Variants in PXDNL observed in about 807,000 individuals in gnomAD.
PXDNL encodes the protein peroxidasin like, also known as probable oxidoreductase PXDNL.
A neutral mutation model predicts 150.8 loss-of-function variants in PXDNL; 145 were observed. The observed-to-expected ratio is 0.96, with a 90% confidence interval of 0.84 to 1.10. The LOEUF is 1.10. Among genes scored for constraint, PXDNL ranks in the 50% least tolerant of loss-of-function variants. The probability of loss-of-function intolerance (pLI) is 0.00; values close to 1 mark genes in which losing one functional copy is unlikely to be tolerated. For synonymous variants in PXDNL, 757 were observed against 725.7 expected (o/e 1.04, Z -0.69); for missense variants, 2,087 against 1,873.9 (o/e 1.11, Z -2.10).
chr8:51,599,515 G>T (rs964855055), intron 2 of PXDNL, among the ~76,000 whole-genome samples: 9 of 150,880 alleles, frequency 6.0e-5, no homozygotes, highest in African/African-American at 2.2e-4. Context: ...CCATGTAAGG[G>T]TGAGGTTTTG....
chr8:51,632,627 A>C (rs968880309), intron 2 of PXDNL, among the ~76,000 whole-genome samples: 1 of 152,200 alleles, frequency 6.6e-6, no homozygotes, highest in African/African-American at 2.4e-5. Context: ...TATTTAAAAA[A>C]TAAAAATATT....
intron 1 of PXDNL, among the ~76,000 whole-genome samples, chr8:51,754,560 A>G (rs1445671727): frequency 2.6e-5 from 4 of 152,044 alleles, no homozygotes; most frequent in African/African-American, 4.8e-5. Flanking sequence ...CTGGAGTCCA[A>G]TGGCGCGATC....
In PXDNL at chr8:51,556,879, T is replaced by C. The variant is rs1812612315; in HGVS notation, c.341A>G (p.Asp114Gly). The C allele has an allele frequency of 2.5e-6, 4 of 1,585,520 alleles. No individual in the cohort carries two copies. In the East Asian group the frequency reaches 9.0e-5, roughly 36 times the overall value. The change falls in exon 4 of 23, where the codon GAT (aspartate) becomes GGT (glycine). Residue 114 changes from aspartate (D) to glycine (G), a missense_variant. Physicochemically the swap from Asp to Gly is moderately conservative, Grantham distance 94. Transcript: ENST00000356297. ...TATGAGTCCTTTAAATGTTTGCTTA[T>C]CTAGTGCATGGATTTCATTCTTATA... ...YLYKNEIHAL[D>G]KQTFKGLISL...
At chr8:51,662,139 G>A (rs1815286134) in intron 1 of PXDNL, among the ~76,000 whole-genome samples, 1 of 152,196 alleles carries the variant, frequency 6.6e-6, no homozygotes, top group African/African-American at 2.4e-5. Flanking sequence ...CCTGGGATCA[G>A]AAAATCAATT....
chr8:51,784,439 T>A (rs2037442283), intron 1 of PXDNL, among the ~76,000 whole-genome samples: 1 of 152,236 alleles, frequency 6.6e-6, no homozygotes, highest in Admixed American at 6.5e-5. Context: ...ATATGTTTCT[T>A]TCATATCTGC....
chr8:51,701,366 A>C (rs1200842837), intron 1 of PXDNL, among the ~76,000 whole-genome samples: 1 of 152,188 alleles, frequency 6.6e-6, no homozygotes, highest in Admixed American at 6.6e-5. Flanking sequence ...ATAGGTCTTC[A>C]GATATTGTTT....
intron 8 of PXDNL, among the ~76,000 whole-genome samples, chr8:51,460,578 G>T (rs993884680): frequency 6.6e-6 from 1 of 150,904 alleles, no homozygotes; most frequent in African/African-American, 2.4e-5. Context: ...AGGCTGAATA[G>T]GATGGAAGCT....
intron 4 of PXDNL, among the ~76,000 whole-genome samples, chr8:51,554,823 T>C (rs1012499416): frequency 1.3e-5 from 2 of 152,014 alleles, no homozygotes; most frequent in Non-Finnish European, 2.9e-5. Context: ...CATAGCTACT[T>C]AAGCAACCTC....
At chr8:51,475,393 T>A (rs550543627) in intron 6 of PXDNL, among the ~76,000 whole-genome samples, 5 of 150,686 alleles carry the variant, frequency 3.3e-5, no homozygotes, top group Non-Finnish European at 7.4e-5. Flanking sequence ...GGTTTTCCCT[T>A]AATGTGCACT....
In PXDNL at chr8:51,564,757, A is replaced by G. The variant is rs112162047; in HGVS notation, c.309-7846T>C. On this transcript the variant is annotated intron_variant, in intron 3 of 22. Coordinates refer to ENST00000356297, the MANE Select transcript of PXDNL (RefSeq NM_144651.5). ...TGCAATACAATATAAAAGTATACTT[A>G]TGCAAGGCTCATCAATGATGCCAAA... Among the ~76,000 whole-genome samples, 299 of 152,104 alleles carry G rather than the reference A, an allele frequency of 2.0e-3. 1 individual carries two copies. Among genetic ancestry groups the G allele is most frequent in the African/African-American group, 6.9e-3 (288 of 41,554 alleles).
chr8:51,385,350 T>C (rs1010447938), intron 17 of PXDNL, among the ~76,000 whole-genome samples: 1 of 152,134 alleles, frequency 6.6e-6, no homozygotes, highest in African/African-American at 2.4e-5. Context: ...AAAAAACACT[T>C]TCCACTGTGT....
At chr8:51,397,879 A>T (rs1201071504) in intron 17 of PXDNL, among the ~76,000 whole-genome samples, 1 of 152,014 alleles carries the variant, frequency 6.6e-6, no homozygotes, top group South Asian at 2.1e-4. Context: ...AGCATTACAT[A>T]TATCTCCTAA....
intron 1 of PXDNL, among the ~76,000 whole-genome samples, chr8:51,698,325 A>T (rs1816186866): frequency 6.6e-6 from 1 of 152,218 alleles, no homozygotes; most frequent in Non-Finnish European, 1.5e-5. Flanking sequence ...TTGACGTAAT[A>T]TTCTAAATTG....
At chr8:51,617,285 C>A (rs1051421985) in intron 2 of PXDNL, among the ~76,000 whole-genome samples, 2 of 152,166 alleles carry the variant, frequency 1.3e-5, no homozygotes, top group African/African-American at 2.4e-5. Flanking sequence ...TAAAAGACAG[C>A]ATTTGTTACT....
At chr8:51,789,910 C>T (rs1000632999) in intron 1 of PXDNL, among the ~76,000 whole-genome samples, 9 of 152,008 alleles carry the variant, frequency 5.9e-5, no homozygotes, top group Non-Finnish European at 1.2e-4. Context: ...ATTATTATTG[C>T]CCTAAATATA....
At chr8:51,471,909 A>G (rs1455406661) in intron 8 of PXDNL, among the ~76,000 whole-genome samples, 2 of 152,012 alleles carry the variant, frequency 1.3e-5, no homozygotes, top group African/African-American at 4.8e-5. Context: ...GATGGTCTCG[A>G]TCTCCTGACC....
chr8:51,474,264 T>A (rs1288801680), intron 7 of PXDNL, among the ~76,000 whole-genome samples: 1 of 152,200 alleles, frequency 6.6e-6, no homozygotes, highest in African/African-American at 2.4e-5. Context: ...ACGAAGGTAT[T>A]CATTTATTTC....
chr8:51,518,182 A>T (rs1401572346), intron 4 of PXDNL, among the ~76,000 whole-genome samples: 1 of 152,184 alleles, frequency 6.6e-6, no homozygotes, highest in African/African-American at 2.4e-5. Context: ...TACCTACTGA[A>T]TAAGAACTTC....
chr8:51,544,039 G>A (rs1368239681), intron 4 of PXDNL, among the ~76,000 whole-genome samples: 1 of 152,182 alleles, frequency 6.6e-6, no homozygotes, highest in African/African-American at 2.4e-5. Context: ...TCTGAAAAGT[G>A]GAGTGATTAA....
Sources: gnomAD v4.1 joint callset for allele counts (sites outside exome capture counted in the v4.1 genomes callset) on GRCh38, gnomAD v4.1.1 for gene constraint, MANE v1.5 for transcripts, NCBI Gene and HGNC (gene_info 2026-07-23, HGNC 2026-07-21) for gene names.